Variants in SNRPN observed in about 807,000 individuals in gnomAD.
SNRPN encodes small nuclear ribonucleoprotein-associated protein N.
A neutral mutation model predicts 25.2 loss-of-function variants in SNRPN; 7 were observed. The observed-to-expected ratio is 0.28, with a 90% CI of 0.16 to 0.52. SNRPN has a LOEUF of 0.52. SNRPN is among the 20% of genes least tolerant of loss of function. The probability of loss-of-function intolerance (pLI) is 0.96; values close to 1 mark genes in which losing one functional copy is unlikely to be tolerated. For missense variants in SNRPN, 196 were observed against 322.5 expected (o/e 0.61, Z 3.00); for synonymous variants, 124 against 110.6 (o/e 1.12, Z -0.76).
chr15:24,945,475 G>T (rs1041460715), intron 3 of SNRPN, among the ~76,000 whole-genome samples: 1 of 151,800 alleles, frequency 6.6e-6, no homozygotes, highest in Admixed American at 6.6e-5. Flanking sequence ...GGACTGCAAG[G>T]TTATATTGTG....
rs1178321593 is a variant in SNRPN at position 24,839,323 on chromosome 15, T to A, written c.-579+9418T>A. On this transcript the variant is annotated intron_variant, in intron 2 of 12. Coordinates refer to the SNRPN transcript ENST00000400100. ...GTTTTGCTGGTCATGTAGTGAAGGA[T>A]GCTTCTTGGTGAGACTGAGGTCCTC... Among the ~76,000 whole-genome samples the A allele has an allele frequency of 2.6e-5, 4 of 152,092 alleles. 1 individual carries two copies. The highest frequency in any genetic ancestry group is 9.7e-5 in the African/African-American group (4 of 41,354).
At chr15:24,919,409 C>T (rs906981113) in intron 2 of SNRPN, among the ~76,000 whole-genome samples, 7 of 141,130 alleles carry the variant, frequency 5.0e-5, no homozygotes, top group Non-Finnish European at 9.1e-5. Context: ...CCAGCCTGGG[C>T]GACAGAGCGA....
chr15:24,914,014 T>C (rs1031955886), intron 2 of SNRPN, among the ~76,000 whole-genome samples: 1 of 152,220 alleles, frequency 6.6e-6, no homozygotes, highest in Non-Finnish European at 1.5e-5. Flanking sequence ...ATTCCTTTGG[T>C]ATCATTTCCA....
At chr15:24,880,454 A>C (rs1251916243) in intron 1 of SNRPN, among the ~76,000 whole-genome samples, 1 of 152,122 alleles carries the variant, frequency 6.6e-6, no homozygotes, top group African/African-American at 2.4e-5. Flanking sequence ...GAGTGGTAAA[A>C]ATTAAAATTC....
At chr15:24,962,573 C>T (rs1257733882) in intron 2 of SNRPN, among the ~76,000 whole-genome samples, 2 of 152,040 alleles carry the variant, frequency 1.3e-5, no homozygotes, top group East Asian at 1.9e-4. Flanking sequence ...TTCATTCTTG[C>T]TCTGTGATAT....
intron 2 of SNRPN, among the ~76,000 whole-genome samples, chr15:24,833,151 A>G (rs1484058139): frequency 1.3e-5 from 2 of 149,952 alleles, no homozygotes; most frequent in Non-Finnish European, 3.0e-5. Context: ...AACAGAGTAG[A>G]AATGATGAGA....
In SNRPN at chr15:24,929,011, T is replaced by A. The variant is rs995308407; in HGVS notation, c.-391+8887T>A. On this transcript the variant is annotated intron_variant, in intron 3 of 11. Coordinates refer to the SNRPN transcript ENST00000400097. This position sits in a 1 kb window ranked among gnomAD's most constrained non-coding sequence, Gnocchi z 5.3. The stretch of plus-strand genomic sequence containing the variant: ...CCACTATTAAATCAGCTGTGTTTTT[T>A]CCAAGGAATCCTGATTTCTATTGTG... Among the ~76,000 whole-genome samples, 1 of 152,150 alleles carries A rather than the reference T, an allele frequency of 6.6e-6. No individual in the cohort carries two copies. Among genetic ancestry groups the A allele is most frequent in the Admixed American group, 6.6e-5 (1 of 15,262 alleles).
chr15:24,881,602 AGAGAGAGAGAGAGAG>A (rs2056669928), intron 1 of SNRPN, among the ~76,000 whole-genome samples: 6 of 67,818 alleles, frequency 8.8e-5, no homozygotes, highest in Admixed American at 2.8e-4. Flanking sequence ...AGAGAGAGAG[AGAGAGAGAGAGAGAG>A]AGAAAGTCAC....
chr15:24,864,506 G>A (rs1258428696), intron 1 of SNRPN, among the ~76,000 whole-genome samples: 1 of 151,542 alleles, frequency 6.6e-6, no homozygotes, highest in Non-Finnish European at 1.5e-5. Context: ...ACCACGCCCA[G>A]CTAATTTTTG....
chr15:24,954,749 G>A (rs985151540), upstream of SNRPN, among the ~76,000 whole-genome samples: 3 of 152,204 alleles, frequency 2.0e-5, no homozygotes, highest in African/African-American at 7.2e-5. Context: ...AAAACAGGTA[G>A]ACATGTCCAT....
At chr15:24,899,600 G>A (rs1016993099) in intron 2 of SNRPN, among the ~76,000 whole-genome samples, 2 of 152,122 alleles carry the variant, frequency 1.3e-5, no homozygotes, top group African/African-American at 2.4e-5. Flanking sequence ...CTCCTACAAC[G>A]CATGACAGTC....
intron 2 of SNRPN, among the ~76,000 whole-genome samples, chr15:24,830,256 G>A (rs2050407837): frequency 1.3e-5 from 2 of 151,954 alleles, no homozygotes; most frequent in Admixed American, 1.3e-4. Flanking sequence ...ACAGGCCTTT[G>A]GTTGATCATT....
intron 2 of SNRPN, among the ~76,000 whole-genome samples, chr15:24,906,804 G>A (rs1315601553): frequency 1.3e-5 from 2 of 152,146 alleles, no homozygotes; most frequent in Non-Finnish European, 1.5e-5. Flanking sequence ...GAATGGCTGA[G>A]CAGACATCTA....
intron 3 of SNRPN, 73 bp downstream of exon 3, chr15:24,968,155 A>T: frequency 1.2e-6 from 1 of 867,584 alleles, no homozygotes; most frequent in East Asian, 2.6e-5. Flanking sequence ...TCTCTTAATT[A>T]TCAGTGACAC....
At position 24,907,995 on chromosome 15, in the gene SNRPN, G is replaced by A. The variant is rs959274875; in HGVS notation, c.-504-12016G>A. ...TTGAACCCGGGAGGTGGAGGTTGTG[G>A]TGAGCCAAGATTGCACCACTGCCCT... On this transcript the variant is annotated intron_variant, in intron 2 of 11. Coordinates refer to the SNRPN transcript ENST00000400097. Among the ~76,000 whole-genome samples the A allele has an allele frequency of 3.4e-5, 5 of 144,990 alleles. No individual in the cohort carries two copies. In the East Asian group the frequency reaches 1.1e-3, roughly 32 times the overall value.
At chr15:24,833,173 T>G (rs2141813401) in intron 2 of SNRPN, among the ~76,000 whole-genome samples, 1 of 148,264 alleles carries the variant, frequency 6.7e-6, no homozygotes, top group East Asian at 2.0e-4. Flanking sequence ...TGATGAATGA[T>G]GCCTGGAGCT....
intron 1 of SNRPN, among the ~76,000 whole-genome samples, chr15:24,825,822 T>C (rs2050040551): frequency 6.6e-6 from 1 of 152,136 alleles, no homozygotes; most frequent in Admixed American, 6.5e-5. Flanking sequence ...CGAAGTACAA[T>C]TTCTACTGAA....
At chr15:24,933,761 C>G (rs2061041940) in intron 3 of SNRPN, among the ~76,000 whole-genome samples, 1 of 152,134 alleles carries the variant, frequency 6.6e-6, no homozygotes, top group Admixed American at 6.5e-5. Flanking sequence ...GGTGGGCAGG[C>G]CCATTGAGTA....
intron 2 of SNRPN, among the ~76,000 whole-genome samples, chr15:24,963,391 C>T (rs373030697): frequency 7.2e-5 from 11 of 151,902 alleles, no homozygotes; most frequent in East Asian, 1.9e-4. Flanking sequence ...CTAAGCCAGG[C>T]GGATCACAAG....
Sources: allele counts gnomAD v4.1 joint callset (sites outside exome capture counted in the v4.1 genomes callset), GRCh38; gene constraint gnomAD v4.1.1; non-coding constraint Gnocchi (gnomAD v3.1); transcripts MANE v1.5; gene names NCBI Gene and HGNC (gene_info 2026-07-23, HGNC 2026-07-21).